The following FHIT variants were observed in gnomAD, a reference collection of about 807,000 sequenced individuals.
The protein encoded by FHIT is bis(5'-adenosyl)-triphosphatase.
FHIT carries 19 observed loss-of-function variants against 17.9 expected under a neutral mutation model. The observed-to-expected ratio is 1.06, with a 90% confidence interval of 0.74 to 1.56. The LOEUF (loss-of-function observed/expected upper bound fraction) is 1.56, where lower values mean the gene tolerates loss of function less well. Among genes scored for constraint, FHIT ranks in the 40% most tolerant of loss-of-function variants. The pLI, the probability that FHIT is intolerant of heterozygous loss-of-function variation, is 0.00. For synonymous variants in FHIT, 81 were observed against 69.7 expected, an observed-to-expected ratio of 1.16 and a Z score of -0.81; for missense variants, 248 against 189.2, an observed-to-expected ratio of 1.31 and a Z score of -1.82.
chr3:61,120,992 T>A (rs1436113961), intron 2 of FHIT, among the ~76,000 whole-genome samples: 4 of 151,396 alleles, frequency 2.6e-5, no homozygotes, highest in Non-Finnish European at 5.9e-5. Context: ...AGAAAGGGTA[T>A]CAGAGATTGA....
intron 1 of FHIT, among the ~76,000 whole-genome samples, chr3:61,208,197 T>C (rs1485887795): frequency 6.6e-6 from 1 of 152,182 alleles, no homozygotes. Context: ...TTCTAATTTC[T>C]GTTCTTTTAC....
chr3:60,418,401 TATATATATATATATATATATATATAC>T lies in FHIT; in HGVS notation c.103+118433_103+118458del, dbSNP rs1273194193. Among the ~76,000 whole-genome samples, 99 of 130,608 alleles carry T rather than the reference TATATATATATATATATATATATATAC, an allele frequency of 7.6e-4. 4 individuals carry two copies. Among genetic ancestry groups the T allele is most frequent in the South Asian group, 1.2e-3 (5 of 4,048 alleles). The allele number at this position is 130,608 out of a possible 152,430, so 85.7% of individuals were successfully genotyped here. A position where few individuals can be genotyped will look rare whatever the true frequency, so the allele number is the denominator to read the frequency against. On this transcript the variant is annotated intron_variant, in intron 5 of 9. Coordinates refer to ENST00000492590, the MANE Select transcript of FHIT (RefSeq NM_002012.4). ...GTATATATATATATATATATATATA[TATATATATATATATATATATATATAC>T]GTGTATACACACACACCACAGACGA...
chr3:60,484,973 C>T (rs2033773134), intron 5 of FHIT, among the ~76,000 whole-genome samples: 2 of 151,858 alleles, frequency 1.3e-5, no homozygotes, highest in South Asian at 2.1e-4. Context: ...AAAAACAACC[C>T]CATCAAAAAG....
chr3:60,620,636 G>C (rs2039095603), intron 4 of FHIT, among the ~76,000 whole-genome samples: 1 of 152,024 alleles, frequency 6.6e-6, no homozygotes, highest in Admixed American at 6.6e-5. Flanking sequence ...GTTTGCAAGG[G>C]CTCAGAGGAG....
rs145281606 is a variant in FHIT at position 60,437,334 on chromosome 3, A to C, written c.103+99526T>G. On this transcript the variant is annotated intron_variant, in intron 5 of 9. Coordinates refer to ENST00000492590, the MANE Select transcript of FHIT (RefSeq NM_002012.4). ...AAAGGGAGTGATTATACAATACATT[A>C]AAACCATAAATAAATACTCCATTAA... Among the ~76,000 whole-genome samples, 817 of 152,260 alleles carry C rather than the reference A, an allele frequency of 5.4e-3. 9 individuals carry two copies. Among genetic ancestry groups the C allele is most frequent in the African/African-American group, 0.019 (787 of 41,568 alleles).
chr3:60,464,733 G>A (rs566508915), intron 5 of FHIT, among the ~76,000 whole-genome samples: 91 of 152,102 alleles, frequency 6.0e-4, no homozygotes, highest in Non-Finnish European at 9.6e-4. Context: ...TTGTGTATAT[G>A]TATCATATTT....
intron 5 of FHIT, among the ~76,000 whole-genome samples, chr3:60,499,951 G>T (rs1310700630): frequency 6.6e-6 from 1 of 152,100 alleles, no homozygotes; most frequent in Non-Finnish European, 1.5e-5. Flanking sequence ...ACATTTATGG[G>T]TTTCATCTTT....
At chr3:60,324,000 C>G (rs539922740) in intron 5 of FHIT, among the ~76,000 whole-genome samples, 87 of 152,146 alleles carry the variant, frequency 5.7e-4, no homozygotes, top group Non-Finnish European at 1.1e-3. Context: ...TTTTTTTAAC[C>G]CTGCTTTGAG....
intron 5 of FHIT, among the ~76,000 whole-genome samples, chr3:60,193,564 C>A (rs1262001298): frequency 6.6e-6 from 1 of 152,098 alleles, no homozygotes; most frequent in African/African-American, 2.4e-5. Flanking sequence ...ATAGATGAGG[C>A]AGAAAAGAAG....
intron 5 of FHIT, among the ~76,000 whole-genome samples, chr3:60,453,373 G>A (rs1308030332): frequency 6.6e-6 from 1 of 152,006 alleles, no homozygotes; most frequent in East Asian, 1.9e-4. Context: ...TTAAAGGCGA[G>A]GTAACAGTTT....
At chr3:60,713,647 C>A (rs1553705816) in intron 4 of FHIT, among the ~76,000 whole-genome samples, 1 of 152,142 alleles carries the variant, frequency 6.6e-6, no homozygotes, top group Admixed American at 6.5e-5. Flanking sequence ...ATACTATAAA[C>A]ACCTCTATGC....
intron 5 of FHIT, among the ~76,000 whole-genome samples, chr3:60,411,913 A>C (rs1424822795): frequency 1.3e-5 from 2 of 152,164 alleles, no homozygotes; most frequent in Non-Finnish European, 2.9e-5. Flanking sequence ...GACTTCTTAG[A>C]AAAGTTAAGT....
intron 3 of FHIT, among the ~76,000 whole-genome samples, chr3:60,867,798 A>C (rs1553754178): frequency 6.6e-6 from 1 of 152,188 alleles, no homozygotes; most frequent in African/African-American, 2.4e-5. Flanking sequence ...TATCTGAATG[A>C]CTACAATAAG....
At chr3:59,884,067 C>T (rs1446407770) in intron 8 of FHIT, among the ~76,000 whole-genome samples, 3 of 152,142 alleles carry the variant, frequency 2.0e-5, no homozygotes, top group Non-Finnish European at 4.4e-5. Flanking sequence ...CCTGTTTTGT[C>T]AGTGACATGA....
At chr3:60,040,841 A>C (rs1320971643) in intron 5 of FHIT, among the ~76,000 whole-genome samples, 1 of 152,054 alleles carries the variant, frequency 6.6e-6, no homozygotes, top group African/African-American at 2.4e-5. Flanking sequence ...TGAGAGATTC[A>C]AGACTGGATT....
intron 3 of FHIT, among the ~76,000 whole-genome samples, chr3:61,039,743 C>G (rs1377015065): frequency 1.3e-5 from 2 of 152,054 alleles, no homozygotes; most frequent in Non-Finnish European, 2.9e-5. Context: ...AGGAGAAATA[C>G]CTAATGCAGA....
chr3:61,065,617 T>C (rs1406979573), intron 2 of FHIT, among the ~76,000 whole-genome samples: 5 of 152,056 alleles, frequency 3.3e-5, no homozygotes, highest in African/African-American at 9.7e-5. Flanking sequence ...CCCTTAATCA[T>C]TGTGATGATA....
At chr3:59,838,223 C>T (rs1162511666) in intron 8 of FHIT, among the ~76,000 whole-genome samples, 1 of 152,176 alleles carries the variant, frequency 6.6e-6, no homozygotes, top group Non-Finnish European at 1.5e-5. Flanking sequence ...CCCAGTCCCA[C>T]TCTCTACCCA....
intron 7 of FHIT, among the ~76,000 whole-genome samples, chr3:59,938,632 C>T (rs776876609): frequency 1.8e-4 from 27 of 152,106 alleles, no homozygotes; most frequent in Non-Finnish European, 3.1e-4. Flanking sequence ...ATTATAGTAA[C>T]TATTTTACTA....
Sources: gnomAD v4.1 joint callset for allele counts (sites outside exome capture counted in the v4.1 genomes callset) on GRCh38, gnomAD v4.1.1 for gene constraint, MANE v1.5 for transcripts, NCBI Gene and HGNC (gene_info 2026-07-23, HGNC 2026-07-21) for gene names.